Variants in CEP83 observed in about 807,000 individuals in gnomAD.
CEP83 encodes centrosomal protein 83.
Under a neutral mutation model 101.9 loss-of-function variants are expected in CEP83, and 70 were observed. The ratio of observed to expected loss-of-function variants is 0.69; its 90% CI spans 0.57 to 0.84. The LOEUF is 0.84. Among genes scored for constraint, CEP83 ranks in the 40% least tolerant of loss-of-function variants. CEP83 has a pLI of 0.00. For synonymous variants in CEP83, 264 were observed against 267.9 expected (o/e 0.99, Z 0.14); for missense variants, 715 against 787.2 (o/e 0.91, Z 1.10).
intron 8 of CEP83, 144 bp downstream of exon 8, chr12:94,375,742 A>G (rs949756631): frequency 6.7e-6 from 3 of 448,990 alleles, no homozygotes; most frequent in Non-Finnish European, 1.1e-5. Flanking sequence ...AACATACTCT[A>G]CTGATCAATG....
chr12:94,355,216 G>A (rs752093016), intron 11 of CEP83, among the ~76,000 whole-genome samples: 20 of 152,082 alleles, frequency 1.3e-4, no homozygotes, highest in East Asian at 5.8e-4. Context: ...AGAACAGGCC[G>A]GGCACAGTGG....
chr12:94,358,944 G>A (rs2060612430), intron 11 of CEP83, among the ~76,000 whole-genome samples: 1 of 152,234 alleles, frequency 6.6e-6, no homozygotes. Flanking sequence ...GTGAGTTTAT[G>A]GGAATGAGGA....
chr12:94,423,639 C>T (rs1356120944), intron 2 of CEP83: 1 of 1,549,496 alleles, frequency 6.5e-7, no homozygotes, highest in Non-Finnish European at 8.7e-7. Context: ...CTTAGCAGGG[C>T]CGACGGATGG....
At chr12:94,344,562 A>G (rs1399047459) in intron 11 of CEP83, among the ~76,000 whole-genome samples, 1 of 149,768 alleles carries the variant, frequency 6.7e-6, no homozygotes, top group African/African-American at 2.4e-5. Context: ...ATATGCAACG[A>G]ACAATTAAGA....
At chr12:94,381,651 T>G in intron 6 of CEP83, among the ~76,000 whole-genome samples, 1 of 152,162 alleles carries the variant, frequency 6.6e-6, no homozygotes, top group Non-Finnish European at 1.5e-5. Context: ...GAGAAAAGGC[T>G]CTGGAATCAA....
the CEP83 span, among the ~76,000 whole-genome samples, chr12:94,288,853 G>A: frequency 6.6e-6 from 1 of 152,314 alleles, no homozygotes; most frequent in Non-Finnish European, 1.5e-5. Flanking sequence ...CAGCAGAAAA[G>A]GTGATTTCAG....
At chr12:94,333,743 C>G in intron 12 of CEP83, 104 bp from the exon 13 acceptor site, 1 of 1,061,464 alleles carries the variant, frequency 9.4e-7, no homozygotes, top group African/African-American at 1.6e-5. Flanking sequence ...AATGCTCCCT[C>G]AAGCTGGTGT....
chr12:94,413,874 ATATT>A (rs2064085459), intron 2 of CEP83, among the ~76,000 whole-genome samples: 1 of 150,774 alleles, frequency 6.6e-6, no homozygotes, highest in Non-Finnish European at 1.5e-5. Flanking sequence ...ACATACATAC[ATATT>A]TTTTTCCTGA....
Position 94,368,897 on chromosome 12 carries a change from G to C in CEP83, c.1049-696C>G, listed in dbSNP as rs548656485. On this transcript the variant is annotated intron_variant, in intron 9 of 16. Transcript: ENST00000397809. ...GCAGCCAGACACGGTGTTAGCACCTGTAGTCCCAGCTACTGAGGAGGCTTA... is the reference window on the plus strand; with the variant it reads ...GCAGCCAGACACGGTGTTAGCACCTCTAGTCCCAGCTACTGAGGAGGCTTA... The C allele has an allele frequency of 3.3e-5, 5 of 152,354 alleles. No homozygotes were observed. The South Asian group carries it at 1.0e-3, about 32-fold the overall frequency. 9.4% of individuals were successfully genotyped at this position (152,354 alleles called of 1,614,324 possible).
chr12:94,439,728 G>A (rs1338039838), intron 1 of CEP83, among the ~76,000 whole-genome samples: 1 of 151,792 alleles, frequency 6.6e-6, no homozygotes, highest in African/African-American at 2.4e-5. Flanking sequence ...ACCAGGAAAG[G>A]ACATAACAAA....
the CEP83 span, among the ~76,000 whole-genome samples, chr12:94,273,443 C>A: frequency 6.6e-6 from 1 of 152,104 alleles, no homozygotes; most frequent in Non-Finnish European, 1.5e-5. Flanking sequence ...CCAAGTGTCT[C>A]CATGGTCTAG....
intron 2 of CEP83, among the ~76,000 whole-genome samples, chr12:94,415,741 A>G (rs1008131282): frequency 2.6e-5 from 4 of 152,172 alleles, no homozygotes; most frequent in Non-Finnish European, 5.9e-5. Flanking sequence ...CAAATTCACA[A>G]TGATAGGAGG....
intron 5 of CEP83, chr12:94,402,130 T>C (rs945493332): frequency 1.3e-5 from 2 of 152,220 alleles, no homozygotes; most frequent in African/African-American, 4.8e-5. Flanking sequence ...AGTCATATTA[T>C]ATCAACACTT....
chr12:94,417,470 T>A (rs2064367231), intron 2 of CEP83, among the ~76,000 whole-genome samples: 1 of 151,998 alleles, frequency 6.6e-6, no homozygotes, highest in Admixed American at 6.5e-5. Context: ...TATTATAATA[T>A]CCCAAATGTC....
intron 11 of CEP83, among the ~76,000 whole-genome samples, chr12:94,342,823 C>T (rs959296507): frequency 1.3e-4 from 19 of 151,058 alleles, no homozygotes; most frequent in Admixed American, 5.3e-4. Context: ...TAATGCTAAA[C>T]GCTACAATTC....
At chr12:94,361,645 A>G (rs1334992348) in intron 11 of CEP83, 1 of 152,236 alleles carries the variant, frequency 6.6e-6, no homozygotes, top group East Asian at 1.9e-4. Flanking sequence ...ACAAGGAAAC[A>G]ATCAACAGAG....
the CEP83 span, among the ~76,000 whole-genome samples, chr12:94,273,811 A>G: frequency 2.6e-5 from 4 of 152,196 alleles, no homozygotes; most frequent in South Asian, 2.1e-4. Flanking sequence ...ACATGCAGCT[A>G]TAAGTAAGAG....
At chr12:94,437,189 A>G (rs1180228957) in intron 1 of CEP83, among the ~76,000 whole-genome samples, 1 of 151,888 alleles carries the variant, frequency 6.6e-6, no homozygotes, top group Non-Finnish European at 1.5e-5. Flanking sequence ...ACTAAAAAAA[A>G]AAAAAAATTA....
At chr12:94,330,699 G>A (rs1230157253) in intron 14 of CEP83, among the ~76,000 whole-genome samples, 1 of 152,130 alleles carries the variant, frequency 6.6e-6, no homozygotes, top group Non-Finnish European at 1.5e-5. Flanking sequence ...CAATAAAACA[G>A]ATATTAGGTA....
Sources: gnomAD v4.1 joint callset for allele counts (sites outside exome capture counted in the v4.1 genomes callset) on GRCh38, gnomAD v4.1.1 for gene constraint, MANE v1.5 for transcripts, NCBI Gene and HGNC (gene_info 2026-07-23, HGNC 2026-07-21) for gene names.